The following SPTLC2 variants were observed in gnomAD, a reference collection of about 807,000 sequenced individuals.
SPTLC2 encodes serine palmitoyltransferase long chain base subunit 2, also known as serine palmitoyltransferase 2.
In SPTLC2, 21 loss-of-function variants were observed where a neutral mutation model predicts 62.0. That is an observed-to-expected ratio of 0.34 (90% confidence interval 0.24 to 0.49). SPTLC2 has a LOEUF of 0.49. SPTLC2 is among the 20% of genes least tolerant of loss of function. The pLI, the probability that SPTLC2 is intolerant of heterozygous loss-of-function variation, is 0.99. For missense variants in SPTLC2, 511 were observed against 713.0 expected (o/e 0.72, Z 3.23); for synonymous variants, 261 against 261.8 (o/e 1.00, Z 0.03).
At chr14:77,580,563 A>G (rs2079744190) in intron 2 of SPTLC2, among the ~76,000 whole-genome samples, 1 of 151,030 alleles carries the variant, frequency 6.6e-6, no homozygotes. Context: ...AGAAAAAAAA[A>G]AAAAAAAAAA....
chr14:77,532,698 G>C (rs2079446859), intron 9 of SPTLC2, among the ~76,000 whole-genome samples: 1 of 151,870 alleles, frequency 6.6e-6, no homozygotes, highest in South Asian at 2.1e-4. Flanking sequence ...GCAGGAGAAT[G>C]GTGTGAACCC....
At chr14:77,584,090 T>C (rs1399016220) in intron 2 of SPTLC2, among the ~76,000 whole-genome samples, 2 of 152,208 alleles carry the variant, frequency 1.3e-5, no homozygotes, top group Non-Finnish European at 2.9e-5. Flanking sequence ...GAAGACCTTA[T>C]CAAAAGTAGT....
At chr14:77,552,518 A>AAAT (rs1480038217) in intron 8 of SPTLC2, among the ~76,000 whole-genome samples, 1 of 152,164 alleles carries the variant, frequency 6.6e-6, no homozygotes, top group Non-Finnish European at 1.5e-5. Context: ...TTAAAGTTAG[A>AAAT]AATATGGCCG....
chr14:77,577,264 A>C (rs2079721874), intron 3 of SPTLC2, among the ~76,000 whole-genome samples: 1 of 152,090 alleles, frequency 6.6e-6, no homozygotes, highest in Non-Finnish European at 1.5e-5. Flanking sequence ...GAGAATATAT[A>C]CACATGAGGA....
At chr14:77,583,666 T>C (rs950631572) in intron 2 of SPTLC2, among the ~76,000 whole-genome samples, 36 of 152,200 alleles carry the variant, frequency 2.4e-4, no homozygotes, top group African/African-American at 8.0e-4. Context: ...TACTCAGTTA[T>C]TGAACATTTA....
chr14:77,602,660 C>T (rs558355051), intron 1 of SPTLC2, among the ~76,000 whole-genome samples: 8 of 152,012 alleles, frequency 5.3e-5, no homozygotes, highest in East Asian at 3.9e-4. Context: ...AGTGATCCTC[C>T]GGCCTCAGCC....
chr14:77,595,799 C>T lies in SPTLC2; in HGVS notation c.327+1387G>A, dbSNP rs149571654. ...GCTCACCCCACACCTGCCTCTTTTC[C>T]TCGGACGCACAGGAACCACAAAAAA... is the stretch of plus-strand genomic sequence containing the variant. On this transcript the variant is annotated intron_variant, in intron 2 of 11. Transcript: ENST00000216484. 2.0e-5 allele frequency among the ~76,000 whole-genome samples: 3 copies of T among 152,290 alleles called. No individual in the cohort carries two copies. In the East Asian group the frequency reaches 5.8e-4, roughly 29 times the overall value.
chr14:77,584,877 T>A (rs550703509), intron 2 of SPTLC2, among the ~76,000 whole-genome samples: 2 of 152,226 alleles, frequency 1.3e-5, no homozygotes, highest in African/African-American at 4.8e-5. Flanking sequence ...GCGGATGTGA[T>A]GTAGGGTCTG....
At chr14:77,563,255 A>T (rs2079624783) in intron 5 of SPTLC2, among the ~76,000 whole-genome samples, 1 of 152,196 alleles carries the variant, frequency 6.6e-6, no homozygotes, top group Admixed American at 6.5e-5. Context: ...AATAAAAAGA[A>T]GAGAGAAGAT....
At chr14:77,527,087 C>A (rs2079412610) in intron 9 of SPTLC2, among the ~76,000 whole-genome samples, 1 of 139,836 alleles carries the variant, frequency 7.2e-6, no homozygotes, top group South Asian at 2.4e-4. Context: ...AGCCACTGCG[C>A]CCGGCCTCTT....
intron 5 of SPTLC2, among the ~76,000 whole-genome samples, chr14:77,568,420 T>C (rs1397497556): frequency 1.3e-5 from 2 of 152,170 alleles, no homozygotes; most frequent in Non-Finnish European, 2.9e-5. Context: ...GAGTGAAGTG[T>C]TTCATGACTC....
intron 9 of SPTLC2, chr14:77,535,830 A>G: frequency 2.7e-6 from 1 of 366,528 alleles, no homozygotes; most frequent in South Asian, 2.0e-5. Context: ...ACCAGGTGAA[A>G]GTGGACAGAA....
intron 1 of SPTLC2, among the ~76,000 whole-genome samples, chr14:77,608,349 G>C (rs1005959647): frequency 2.0e-5 from 3 of 152,160 alleles, no homozygotes; most frequent in Non-Finnish European, 4.4e-5. Flanking sequence ...TAGGGAGCTA[G>C]TTTTTGTCAA....
intron 4 of SPTLC2, among the ~76,000 whole-genome samples, chr14:77,571,528 G>A (rs61990791): frequency 6.7e-6 from 1 of 148,376 alleles, no homozygotes; most frequent in Non-Finnish European, 1.5e-5. Flanking sequence ...AAAAAAAAAG[G>A]TTCTTCCCTC....
At chr14:77,516,976 G>A (rs2079362383) in intron 11 of SPTLC2, among the ~76,000 whole-genome samples, 1 of 152,238 alleles carries the variant, frequency 6.6e-6, no homozygotes, top group Admixed American at 6.5e-5. Flanking sequence ...TTGCCAGGCA[G>A]TGGCTCACGC....
chr14:77,563,016 A>G (rs1210991226), intron 5 of SPTLC2, among the ~76,000 whole-genome samples: 1 of 151,980 alleles, frequency 6.6e-6, no homozygotes, highest in African/African-American at 2.4e-5. Flanking sequence ...TCCCCAAACA[A>G]GCTTTGCTTT....
In SPTLC2 at chr14:77,562,420, T is replaced by G. The variant is rs535634658; in HGVS notation, c.826A>C (p.Thr276Pro). The change falls in exon 6 of 12, where the codon ACC becomes CCC. Residue 276 changes from threonine to proline, a missense_variant. Physicochemically the swap from Thr to Pro is conservative, Grantham distance 38. Transcript: ENST00000216484. Reference sequence around the variant, plus strand: ...CTGTTGTGTTTGAAGATTCTAATGGTTGCTCCTGACAGTCTGGCTCCCAGA... The same window carrying G: ...CTGTTGTGTTTGAAGATTCTAATGGGTGCTCCTGACAGTCTGGCTCCCAGA... ...LVLGARLSGA[T>P]IRIFKHNNMQ... The G allele has an allele frequency of 2.5e-6, 4 of 1,614,186 alleles. No homozygotes were observed. The Admixed American group carries it at 6.7e-5, about 27-fold the overall frequency.
intron 3 of SPTLC2, among the ~76,000 whole-genome samples, chr14:77,577,964 G>A (rs2079726273): frequency 6.6e-6 from 1 of 152,020 alleles, no homozygotes; most frequent in South Asian, 2.1e-4. Context: ...GGCCAACATG[G>A]TGAAACCTCA....
In SPTLC2 at chr14:77,543,090, C is replaced by A. The variant is rs2079510142; in HGVS notation, c.1303+9006G>T. Among the ~76,000 whole-genome samples the A allele has an allele frequency of 2.0e-5, 3 of 152,200 alleles. No homozygotes were observed. In the South Asian group the frequency reaches 6.2e-4, roughly 31 times the overall value. On this transcript the variant is annotated intron_variant, in intron 9 of 11. Coordinates refer to ENST00000216484, the MANE Select transcript of SPTLC2 (RefSeq NM_004863.4). ...TTTGAGACCAAGTCTCACTCTGTTGCCTGAGCTGGAGTGCAGTGGCACGAT... is the reference window on the plus strand; with the variant it reads ...TTTGAGACCAAGTCTCACTCTGTTGACTGAGCTGGAGTGCAGTGGCACGAT...
Sources: gnomAD v4.1 joint callset for allele counts (sites outside exome capture counted in the v4.1 genomes callset) on GRCh38, gnomAD v4.1.1 for gene constraint, MANE v1.5 for transcripts, NCBI Gene and HGNC (gene_info 2026-07-23, HGNC 2026-07-21) for gene names.